The following VKORC1L1 variants were observed in gnomAD, a reference collection of about 807,000 sequenced individuals.
The protein encoded by VKORC1L1 is vitamin K epoxide reductase complex subunit 1L1.
In VKORC1L1, 2 loss-of-function variants were observed where a neutral mutation model predicts 18.9. The observed-to-expected ratio is 0.11, with a 90% CI of 0.04 to 0.33. The LOEUF (loss-of-function observed/expected upper bound fraction) is 0.33. VKORC1L1 is among the 10% of genes least tolerant of loss of function. The pLI, the probability that VKORC1L1 is intolerant of heterozygous loss-of-function variation, is 1.00. For missense variants in VKORC1L1, 123 were observed against 224.1 expected, an observed-to-expected ratio of 0.55 and a Z score of 2.88; for synonymous variants, 96 against 100.0, an observed-to-expected ratio of 0.96 and a Z score of 0.24.
intron 1 of VKORC1L1, among the ~76,000 whole-genome samples, chr7:65,895,970 A>G (rs1235588481): frequency 1.5e-5 from 2 of 135,096 alleles, no homozygotes; most frequent in Non-Finnish European, 3.0e-5. Context: ...ATCTCGGCTC[A>G]CTGCAACCTC....
intron 1 of VKORC1L1, among the ~76,000 whole-genome samples, chr7:65,895,455 A>G (rs1163002201): frequency 8.1e-3 from 159 of 19,520 alleles, no homozygotes; most frequent in African/African-American, 0.02. Flanking sequence ...ATCTGTGAGA[A>G]AAAAAAAAAA....
intron 1 of VKORC1L1, among the ~76,000 whole-genome samples, chr7:65,886,409 A>G (rs928668790): frequency 2.6e-5 from 4 of 152,278 alleles, no homozygotes; most frequent in African/African-American, 9.6e-5. Flanking sequence ...AAAATGTTTC[A>G]GGAGGGGTTG....
chr7:65,898,082 T>G (rs1012540246), intron 1 of VKORC1L1, among the ~76,000 whole-genome samples: 1 of 100,622 alleles, frequency 9.9e-6, no homozygotes, highest in African/African-American at 3.8e-5. Context: ...AGCAGGTTTT[T>G]TTTTTTTTTT....
At chr7:65,874,316 A>G (rs1242325228) in intron 1 of VKORC1L1, among the ~76,000 whole-genome samples, 5 of 151,970 alleles carry the variant, frequency 3.3e-5, no homozygotes, top group African/African-American at 1.2e-4. Context: ...AGTAAAGGAC[A>G]AGTATGTTAT....
chr7:65,881,812 G>T (rs1390624923), intron 1 of VKORC1L1, among the ~76,000 whole-genome samples: 3 of 152,230 alleles, frequency 2.0e-5, no homozygotes, highest in African/African-American at 7.2e-5. Context: ...AGGCACAGTG[G>T]CTCATGCCTG....
chr7:65,879,206 A>G (rs958850373), intron 1 of VKORC1L1, among the ~76,000 whole-genome samples: 6 of 152,128 alleles, frequency 3.9e-5, no homozygotes, highest in African/African-American at 1.2e-4. Context: ...GCTTATGTTC[A>G]TATTTAGTGA....
At chr7:65,882,023 T>C (rs1788936612) in intron 1 of VKORC1L1, among the ~76,000 whole-genome samples, 2 of 152,048 alleles carry the variant, frequency 1.3e-5, no homozygotes, top group South Asian at 4.1e-4. Flanking sequence ...GAGGTTGCAG[T>C]GAGCTGAGAT....
intron 1 of VKORC1L1, among the ~76,000 whole-genome samples, chr7:65,900,126 A>AT (rs1789288670): frequency 6.6e-6 from 1 of 151,206 alleles, no homozygotes; most frequent in African/African-American, 2.4e-5. Flanking sequence ...GTGGTGGCTC[A>AT]TGCCTGTAAT....
intron 1 of VKORC1L1, among the ~76,000 whole-genome samples, chr7:65,931,673 G>T (rs944508339): frequency 6.6e-6 from 1 of 151,910 alleles, no homozygotes; most frequent in African/African-American, 2.4e-5. Context: ...ATGCAGTCTC[G>T]CTCTGTGTCC....
At chr7:65,951,443 G>A (rs894598820) in intron 2 of VKORC1L1, among the ~76,000 whole-genome samples, 14 of 151,980 alleles carry the variant, frequency 9.2e-5, no homozygotes, top group South Asian at 2.1e-4. Flanking sequence ...GTGTGGTGCC[G>A]CACACCTGTA....
Position 65,954,533 on chromosome 7 carries a change from C to G in VKORC1L1, c.*233C>G. The stretch of plus-strand genomic sequence containing the variant: ...ATACGCCGAGCCAATCAAAGACAAG[C>G]TTTAACTTTACTTTGAAGTGTTTCT... On this transcript the variant is annotated 3_prime_UTR_variant, in exon 3 of 3. Transcript: ENST00000360768. The G allele has an allele frequency of 1.4e-6, 1 of 709,294 alleles. No homozygotes were observed. Among genetic ancestry groups the G allele is most frequent in the Non-Finnish European group, 2.1e-6 (1 of 476,168 alleles). The allele number at this position is 709,294 out of a possible 1,614,324, so 43.9% of individuals were successfully genotyped here.
chr7:65,958,890 T>C lies in VKORC1L1; in HGVS notation c.*4590T>C, dbSNP rs901597681. The C allele has an allele frequency of 3.3e-5, 5 of 152,256 alleles. No individual in the cohort carries two copies. The highest frequency in any genetic ancestry group is 1.3e-4 in the Admixed American group (2 of 15,278). 9.4% of individuals were successfully genotyped at this position (152,256 alleles called of 1,614,324 possible). A position where few individuals can be genotyped will look rare whatever the true frequency, so the allele number is the denominator to read the frequency against. ...ACTTTAGCTTACCTTGAATACTCCC[T>C]GTATAATCCTCTAAAAAGGTAGCAT... On this transcript the variant is annotated 3_prime_UTR_variant, in exon 3 of 3. Coordinates refer to ENST00000360768, the MANE Select transcript of VKORC1L1 (RefSeq NM_173517.6).
At chr7:65,923,167 C>T (rs2115629758) in intron 1 of VKORC1L1, among the ~76,000 whole-genome samples, 1 of 152,122 alleles carries the variant, frequency 6.6e-6, no homozygotes, top group Non-Finnish European at 1.5e-5. Flanking sequence ...TTTGGGAGGC[C>T]AAGGCAGGTG....
chr7:65,941,548 G>A (rs1790032971), intron 1 of VKORC1L1, among the ~76,000 whole-genome samples: 1 of 151,752 alleles, frequency 6.6e-6, no homozygotes, highest in Non-Finnish European at 1.5e-5. Context: ...ATATTATGAT[G>A]TTAATATAAT....
upstream of VKORC1L1, among the ~76,000 whole-genome samples, chr7:65,870,826 G>A (rs978285968): frequency 6.6e-6 from 1 of 152,152 alleles, no homozygotes; most frequent in African/African-American, 2.4e-5. Context: ...TGTCATCCAG[G>A]CTGGAGTGCA....
rs542219435 is a variant in VKORC1L1, at chr7:65,895,540, T to C, written c.194+21975T>C. ...ATACACACACACACACACACACACA[T>C]ATAATTTGTGAATTTAAAGTAATCC... On this transcript the variant is annotated intron_variant, in intron 1 of 2. Coordinates refer to ENST00000360768, the MANE Select transcript of VKORC1L1 (RefSeq NM_173517.6). Among the ~76,000 whole-genome samples the C allele has an allele frequency of 3.6e-4, 41 of 112,708 alleles. 1 individual carries two copies. Among genetic ancestry groups the C allele is most frequent in the East Asian group, 9.6e-4 (3 of 3,140 alleles). The allele number at this position is 112,708 out of a possible 152,430, so 73.9% of individuals were successfully genotyped here.
At chr7:65,906,505 C>T (rs1355289759) in intron 1 of VKORC1L1, among the ~76,000 whole-genome samples, 1 of 152,036 alleles carries the variant, frequency 6.6e-6, no homozygotes, top group Non-Finnish European at 1.5e-5. Context: ...TGTAAGACCC[C>T]CAAAGGTGGA....
chr7:65,898,321 T>A (rs529635772), intron 1 of VKORC1L1, among the ~76,000 whole-genome samples: 1 of 152,064 alleles, frequency 6.6e-6, no homozygotes, highest in South Asian at 2.1e-4. Context: ...CCTGACTTCA[T>A]GATCCACCCA....
chr7:65,881,995 A>G (rs1204105930), intron 1 of VKORC1L1, among the ~76,000 whole-genome samples: 1 of 151,704 alleles, frequency 6.6e-6, no homozygotes, highest in East Asian at 1.9e-4. Context: ...CAGGAGAATC[A>G]CTTGAACCTG....
Sources: gnomAD v4.1 joint callset for allele counts (sites outside exome capture counted in the v4.1 genomes callset) on GRCh38, gnomAD v4.1.1 for gene constraint, MANE v1.5 for transcripts, NCBI Gene and HGNC (gene_info 2026-07-23, HGNC 2026-07-21) for gene names.